The following PARP6 variants were observed in gnomAD, a reference collection of about 807,000 sequenced individuals.
PARP6 encodes the protein poly(ADP-ribose) polymerase family member 6, also known as protein mono-ADP-ribosyltransferase PARP6.
A neutral mutation model predicts 92.0 loss-of-function variants in PARP6; 27 were observed. The observed-to-expected ratio is 0.29, with a 90% CI of 0.22 to 0.40. PARP6 has a LOEUF of 0.40. Ranked by LOEUF, PARP6 falls within the 10% of genes least tolerant of loss-of-function variation. PARP6 has a pLI of 1.00. For synonymous variants in PARP6, 272 were observed against 281.2 expected (o/e 0.97, Z 0.33); for missense variants, 501 against 784.5 (o/e 0.64, Z 4.32).
In PARP6 at chr15:72,261,201, G is replaced by A. The variant is rs192722444; in HGVS notation, c.545+357C>T. Among the ~76,000 whole-genome samples the A allele has an allele frequency of 1.2e-4, 19 of 152,262 alleles. 1 individual carries two copies. The East Asian group carries it at 3.5e-3, about 28-fold the overall frequency. ...TGTAGACCTGGGGTCAAAGAATGGA[G>A]CAATATTTATTTCCAGAACCTAGCA... is the stretch of plus-strand genomic sequence containing the variant. On this transcript the variant is annotated intron_variant, in intron 9 of 23. Transcript: ENST00000569795.
intron 8 of PARP6, 135 bp from the exon 9 acceptor site, chr15:72,261,842 G>A: frequency 1.2e-6 from 1 of 807,304 alleles, no homozygotes; most frequent in Non-Finnish European, 2.0e-6. Context: ...TGTATCTGAA[G>A]ACCCCTTTAA....
rs774757924 is a variant in PARP6 at position 72,250,081 on chromosome 15, A to G, written c.1430T>C (p.Ile477Thr). 3 of 1,608,508 alleles carry G rather than the reference A, an allele frequency of 1.9e-6. No individual in the cohort carries two copies. Among genetic ancestry groups the G allele is most frequent in the Non-Finnish European group, 2.6e-6 (3 of 1,174,862 alleles). ...GSTFAFHGSH[I>T]ENWHSILRNG... ...GCGCAGGATCGAATGCCAGTTCTCA[A>G]TGTGGGACCCACTGTAAGGCAGGGT... The change falls in exon 19 of 24, where the codon ATT becomes ACT. Residue 477 changes from isoleucine (I) to threonine (T), a missense_variant. Ile to Thr is a moderately conservative substitution (Grantham distance 89). Transcript: ENST00000569795.
chr15:72,270,859 G>A (rs995558343), intron 2 of PARP6, among the ~76,000 whole-genome samples, 164 bp downstream of exon 2: 22 of 152,142 alleles, frequency 1.4e-4, no homozygotes, highest in African/African-American at 5.3e-4. Context: ...ACTGCTTTCA[G>A]TCTACATTCT....
chr15:72,251,136 T>G (rs539526488), intron 17 of PARP6, 71 bp downstream of exon 17: 1 of 1,099,900 alleles, frequency 9.1e-7, no homozygotes, highest in Admixed American at 1.7e-5. Context: ...CCAATATGGT[T>G]AGCTGGCTTC....
At chr15:72,266,978 G>T (rs1249110506) in intron 3 of PARP6, 156 bp from the exon 4 acceptor site, 16 of 629,588 alleles carry the variant, frequency 2.5e-5, no homozygotes, top group Non-Finnish European at 1.1e-5. Flanking sequence ...GTCACCCTTT[G>T]TGAGAGTCTC....
chr15:72,247,246 C>T (rs1349383512), intron 20 of PARP6, among the ~76,000 whole-genome samples: 1 of 152,032 alleles, frequency 6.6e-6, no homozygotes. Flanking sequence ...ATGATCATGG[C>T]TCACTGCAGC....
chr15:72,264,171 T>C (rs1043756379), intron 8 of PARP6, among the ~76,000 whole-genome samples: 5 of 152,344 alleles, frequency 3.3e-5, no homozygotes, highest in South Asian at 4.1e-4. Flanking sequence ...GTGGAAAATA[T>C]GCTTCATTTC....
In PARP6 at chr15:72,265,443, A is replaced by G; in HGVS notation, c.207T>C (p.Ile69=). Residue 69 remains isoleucine, a synonymous_variant, in exon 6 of 24, where the codon ATT becomes ATC. Transcript: ENST00000569795. ...GGAAGCTGATGTTGATGTGGAGGTCAATGTCCACGTCATCGATAGTTCCAT... is the reference window on the plus strand; with the variant it reads ...GGAAGCTGATGTTGATGTGGAGGTCGATGTCCACGTCATCGATAGTTCCAT... ...REYGTIDDVD[I]DLHINISFLD... 6.2e-7 allele frequency: 1 copy of G among 1,613,740 alleles called. No individual in the cohort carries two copies. Among genetic ancestry groups the G allele is most frequent in the Non-Finnish European group, 8.5e-7 (1 of 1,179,612 alleles).
intron 10 of PARP6, 45 bp from the exon 11 acceptor site, chr15:72,259,706 T>A (rs1411353958): frequency 1.9e-6 from 3 of 1,571,928 alleles, no homozygotes; most frequent in South Asian, 2.2e-5. Flanking sequence ...CCTATGAAGC[T>A]GGGGCCTAGA....
At chr15:72,255,784 CTTTTTTTTT>C (rs67560148) in intron 14 of PARP6, among the ~76,000 whole-genome samples, 2 of 92,812 alleles carry the variant, frequency 2.2e-5, no homozygotes, top group Admixed American at 1.5e-4. Context: ...TTACTTCTCT[CTTTTTTTTT>C]TTTTTTTTTT....
At position 72,265,460 on chromosome 15, in the gene PARP6, T is replaced by C; in HGVS notation, c.190A>G (p.Ile64Val). 1.2e-6 allele frequency: 2 copies of C among 1,613,132 alleles called. No individual in the cohort carries two copies. Among genetic ancestry groups the C allele is most frequent in the Non-Finnish European group, 1.7e-6 (2 of 1,179,064 alleles). ...NSVSIREYGT[I>V]DDVDIDLHIN... ...TGGAGGTCAATGTCCACGTCATCGA[T>C]AGTTCCATATTCTCTATAGAGATAC... Residue 64 changes from isoleucine (I) to valine (V), a missense_variant, in exon 6 of 24, where the codon ATC becomes GTC. This residue lies in a region of PARP6 where 291 missense variants were observed against 352.0 expected (regional missense o/e 0.83). Transcript: ENST00000569795.
intron 2 of PARP6, among the ~76,000 whole-genome samples, chr15:72,270,097 GAT>G (rs2087184152): frequency 6.6e-6 from 1 of 152,056 alleles, no homozygotes; most frequent in East Asian, 1.9e-4. Context: ...ACTAAGCCAG[GAT>G]GGGGACAAAA....
At chr15:72,267,051 A>G (rs2086694270) in intron 3 of PARP6, 2 of 527,142 alleles carry the variant, frequency 3.8e-6, no homozygotes, top group South Asian at 2.4e-5. Flanking sequence ...GAAAACATCT[A>G]GGGAATTTTG....
At chr15:72,267,259 A>G (rs1478832739) in intron 3 of PARP6, 4 of 602,008 alleles carry the variant, frequency 6.6e-6, no homozygotes, top group Non-Finnish European at 1.2e-5. Flanking sequence ...TCTATCCTTT[A>G]AAGTACTTAA....
At chr15:72,256,076 C>A (rs1042117718) in intron 14 of PARP6, among the ~76,000 whole-genome samples, 1 of 152,086 alleles carries the variant, frequency 6.6e-6, no homozygotes, top group African/African-American at 2.4e-5. Flanking sequence ...GGATTACAGG[C>A]GTGAGCCACC....
At position 72,264,617 on chromosome 15, in the gene PARP6, T is replaced by C. The variant is rs771550087; in HGVS notation, c.333A>G (p.Pro111=). 6.8e-6 allele frequency: 11 copies of C among 1,613,732 alleles called. No individual in the cohort carries two copies. The highest frequency in any genetic ancestry group is 8.5e-6 in the Non-Finnish European group (10 of 1,179,642). ...SLSQYLDGPE[P]SIEVFQPSNK... ...TTGATGGCTGGAAAACCTCAATGGA[T>C]GGTTCTGCAAAGAGAAGAGAAGGCT... Residue 111 remains proline (P), a synonymous_variant, in exon 8 of 24, where the codon CCA becomes CCG. Transcript: ENST00000569795.
intron 3 of PARP6, 26 bp from the exon 4 acceptor site, chr15:72,266,848 T>C (rs750306190): frequency 6.4e-7 from 1 of 1,569,220 alleles, no homozygotes. Context: ...AAGGATATCA[T>C]GCTTTGTTAG....
rs776726674 is a variant in PARP6 at position 72,242,037 on chromosome 15, C to G, written c.1706-52G>C. 4.0e-6 allele frequency: 6 copies of G among 1,495,790 alleles called. No homozygotes were observed. The highest frequency in any genetic ancestry group is 5.6e-6 in the Non-Finnish European group (6 of 1,072,088). The allele number at this position is 1,495,790 out of a possible 1,614,324, so 92.7% of individuals were successfully genotyped here. ...AGATACAATGCTTAAGGCACAGAGT[C>G]CAGGCAGGAGAAGGAAGCCATGCCA... On this transcript the variant is annotated intron_variant, in intron 22 of 23. Coordinates refer to ENST00000569795, the MANE Select transcript of PARP6 (RefSeq NM_001323532.2). The surrounding 1 kb of genome is among the most constrained non-coding windows in gnomAD (Gnocchi z 4.3).
rs1388768103 is a variant in PARP6 at position 72,265,611 on chromosome 15, C to T, written c.177-138G>A. On this transcript the variant is annotated intron_variant, in intron 5 of 23. Transcript: ENST00000569795. ...GACAGTTTTGTACCTAGGGTCTTAGCTATAGCCTTACACCACTTACCTGAT... is the reference window on the plus strand; with the variant it reads ...GACAGTTTTGTACCTAGGGTCTTAGTTATAGCCTTACACCACTTACCTGAT... The T allele has an allele frequency of 5.5e-6, 4 of 726,642 alleles. 1 individual carries two copies. The Admixed American group carries it at 8.1e-5, about 15-fold the overall frequency. The allele number at this position is 726,642 out of a possible 1,614,324, so 45.0% of individuals were successfully genotyped here.
Sources: allele counts gnomAD v4.1 joint callset (sites outside exome capture counted in the v4.1 genomes callset), GRCh38; gene constraint gnomAD v4.1.1; regional missense constraint gnomAD v4.1.1; non-coding constraint Gnocchi (gnomAD v3.1); transcripts MANE v1.5; gene names NCBI Gene and HGNC (gene_info 2026-07-23, HGNC 2026-07-21).